The following KCNMA1 variants were observed in gnomAD, a reference collection of about 807,000 sequenced individuals.
KCNMA1 encodes potassium calcium-activated channel subfamily M alpha 1, also known as Calcium-activated potassium channel subunit alpha-1.
KCNMA1 carries 29 observed loss-of-function variants against 140.0 expected under a neutral mutation model. The ratio of observed to expected loss-of-function variants is 0.21; its 90% confidence interval spans 0.15 to 0.28. The LOEUF is 0.28. Ranked by LOEUF, KCNMA1 falls within the 10% of genes least tolerant of loss-of-function variation. The probability of loss-of-function intolerance (pLI) is 1.00; values close to 1 mark genes in which losing one functional copy is unlikely to be tolerated. For synonymous variants in KCNMA1, 612 were observed against 611.9 expected (o/e 1.00, Z 0.00); for missense variants, 880 against 1,602.2 (o/e 0.55, Z 7.70).
chr10:77,037,578 G>T (rs1037258597), intron 15 of KCNMA1, among the ~76,000 whole-genome samples: 2 of 152,094 alleles, frequency 1.3e-5, no homozygotes, highest in African/African-American at 4.8e-5. Context: ...GGGTGGAAAA[G>T]CAAGAAGGGC....
chr10:77,559,006 G>C (rs1397696963), intron 1 of KCNMA1, among the ~76,000 whole-genome samples: 2 of 152,168 alleles, frequency 1.3e-5, no homozygotes, highest in African/African-American at 4.8e-5. Flanking sequence ...GGGCTACGCT[G>C]GGAGTATGAG....
At chr10:77,105,144 A>G (rs2097175244) in intron 9 of KCNMA1, among the ~76,000 whole-genome samples, 1 of 152,150 alleles carries the variant, frequency 6.6e-6, no homozygotes, top group South Asian at 2.1e-4. Flanking sequence ...AATAGCCAAC[A>G]CACACGCACA....
chr10:77,582,486 G>A (rs1471555581), intron 1 of KCNMA1, among the ~76,000 whole-genome samples: 4 of 152,164 alleles, frequency 2.6e-5, no homozygotes, highest in African/African-American at 9.7e-5. Flanking sequence ...CCTAGATGAC[G>A]GGTTGATGGG....
chr10:77,628,894 G>C (rs1212548973), intron 1 of KCNMA1, among the ~76,000 whole-genome samples: 1 of 152,204 alleles, frequency 6.6e-6, no homozygotes, highest in Non-Finnish European at 1.5e-5. Context: ...GATGGAGCAA[G>C]AGGAGGAGGG....
chr10:77,242,182 C>T (rs553269461), intron 3 of KCNMA1, among the ~76,000 whole-genome samples: 65 of 152,332 alleles, frequency 4.3e-4, no homozygotes, highest in African/African-American at 1.4e-3. Flanking sequence ...TCAGATGCTT[C>T]TGGAAATTTC....
chr10:77,637,222 G>A lies in KCNMA1; in HGVS notation c.378+43C>T, dbSNP rs775078221. ...TGGGCTGCAGGGGACGCCGAGAAGCGGTGGGGCTGGCGCAGAGGGCGGGCG... is the reference window on the plus strand; with the variant it reads ...TGGGCTGCAGGGGACGCCGAGAAGCAGTGGGGCTGGCGCAGAGGGCGGGCG... On this transcript the variant is annotated intron_variant, in intron 1 of 27. Coordinates refer to ENST00000286628, the MANE Select transcript of KCNMA1 (RefSeq NM_001161352.2). 6 of 1,532,310 alleles carry A rather than the reference G, an allele frequency of 3.9e-6. No individual in the cohort carries two copies. In the Admixed American group the frequency reaches 7.4e-5, roughly 19 times the overall value. 94.9% of individuals were successfully genotyped at this position (1,532,310 alleles called of 1,614,324 possible).
At chr10:77,000,613 T>G (rs2085917553) in intron 19 of KCNMA1, among the ~76,000 whole-genome samples, 1 of 152,058 alleles carries the variant, frequency 6.6e-6, no homozygotes, top group South Asian at 2.1e-4. Flanking sequence ...TGACTTAAAT[T>G]TTTTGTTGGC....
chr10:77,032,594 A>T (rs910762111), intron 15 of KCNMA1, among the ~76,000 whole-genome samples: 3 of 152,214 alleles, frequency 2.0e-5, no homozygotes, highest in Non-Finnish European at 2.9e-5. Context: ...CAAGAAAAAA[A>T]ATGCCACTTG....
At chr10:77,193,061 A>G (rs1365516511) in intron 3 of KCNMA1, among the ~76,000 whole-genome samples, 2 of 144,858 alleles carry the variant, frequency 1.4e-5, no homozygotes, top group Non-Finnish European at 1.5e-5. Context: ...TTTTTTTTTT[A>G]GAGATGAGAG....
chr10:77,089,824 G>T (rs1179525883), intron 10 of KCNMA1, among the ~76,000 whole-genome samples: 3 of 152,174 alleles, frequency 2.0e-5, no homozygotes, highest in Non-Finnish European at 2.9e-5. Flanking sequence ...GTTGAGTCAG[G>T]ATTCAGATCA....
At chr10:77,439,164 AAAGAAAAGAG>A (rs2097340503) in intron 1 of KCNMA1, among the ~76,000 whole-genome samples, 2 of 117,340 alleles carry the variant, frequency 1.7e-5, no homozygotes, top group South Asian at 2.9e-4. Flanking sequence ...GAAGAGAAGA[AAAGAAAAGAG>A]AAGAGAAGAT....
intron 1 of KCNMA1, among the ~76,000 whole-genome samples, chr10:77,552,939 C>G (rs1043266145): frequency 1.3e-5 from 2 of 152,156 alleles, no homozygotes; most frequent in African/African-American, 4.8e-5. Context: ...GTCCCAGCTA[C>G]TGGGGAGGCT....
chr10:76,922,237 C>T (rs1216147921), intron 23 of KCNMA1, among the ~76,000 whole-genome samples: 1 of 152,202 alleles, frequency 6.6e-6, no homozygotes, highest in Non-Finnish European at 1.5e-5. Context: ...TTCCTCCATT[C>T]TTCAAATGAA....
In KCNMA1 at chr10:76,918,321, G is replaced by A. The variant is rs1046818006; in HGVS notation, c.2903-3272C>T. 3.6e-4 allele frequency among the ~76,000 whole-genome samples: 55 copies of A among 152,208 alleles called. 1 individual carries two copies. Among genetic ancestry groups the A allele is most frequent in the Non-Finnish European group, 8.8e-5 (6 of 68,036 alleles). On this transcript the variant is annotated intron_variant, in intron 23 of 27. Transcript: ENST00000286628. ...AATATCACCATTAGAGACATGGAAT[G>A]AGAAGTCCTCAATCAGGAAAAGACT...
intron 3 of KCNMA1, among the ~76,000 whole-genome samples, chr10:77,212,774 A>C (rs918699861): frequency 2.6e-5 from 4 of 152,136 alleles, no homozygotes; most frequent in African/African-American, 9.7e-5. Flanking sequence ...GCTTCAAGGC[A>C]CAGCCAAGAG....
chr10:77,612,920 C>A (rs1438040792), intron 1 of KCNMA1, among the ~76,000 whole-genome samples: 1 of 152,044 alleles, frequency 6.6e-6, no homozygotes, highest in African/African-American at 2.4e-5. Flanking sequence ...TCTCCCTACT[C>A]CCCCCACCCC....
At chr10:76,984,663 C>A (rs1240980863) in intron 19 of KCNMA1, among the ~76,000 whole-genome samples, 1 of 152,176 alleles carries the variant, frequency 6.6e-6, no homozygotes, top group Non-Finnish European at 1.5e-5. Flanking sequence ...AAAATGGGAA[C>A]TTGCCACATA....
At chr10:77,127,154 C>A (rs1166299326) in intron 5 of KCNMA1, among the ~76,000 whole-genome samples, 1 of 151,094 alleles carries the variant, frequency 6.6e-6, no homozygotes, top group East Asian at 1.9e-4. Context: ...TTTTAAATTA[C>A]TGGTGAAATG....
chr10:77,006,968 C>T (rs576107809), intron 18 of KCNMA1, among the ~76,000 whole-genome samples: 3 of 151,582 alleles, frequency 2.0e-5, no homozygotes, highest in Non-Finnish European at 4.4e-5. Context: ...TGATGACTAA[C>T]CAAAATCAGA....
Sources: gnomAD v4.1 joint callset for allele counts (sites outside exome capture counted in the v4.1 genomes callset) on GRCh38, gnomAD v4.1.1 for gene constraint, MANE v1.5 for transcripts, NCBI Gene and HGNC (gene_info 2026-07-23, HGNC 2026-07-21) for gene names.